The following CADPS2 variants were observed in gnomAD, a reference collection of about 807,000 sequenced individuals.
CADPS2 encodes calcium dependent secretion activator 2, also known as calcium-dependent secretion activator 2.
Under a neutral mutation model 172.5 loss-of-function variants are expected in CADPS2, and 93 were observed. That is an observed-to-expected ratio of 0.54 (90% CI 0.46 to 0.64). CADPS2 has a LOEUF of 0.64. Among genes scored for constraint, CADPS2 ranks in the 30% least tolerant of loss-of-function variants. The pLI, the probability that CADPS2 is intolerant of heterozygous loss-of-function variation, is 0.00. For synonymous variants in CADPS2, 546 were observed against 555.2 expected, an observed-to-expected ratio of 0.98 and a Z score of 0.23; for missense variants, 1,420 against 1,565.9, an observed-to-expected ratio of 0.91 and a Z score of 1.57.
At chr7:122,682,060 CA>C (rs2083111858) in intron 2 of CADPS2, among the ~76,000 whole-genome samples, 1 of 152,018 alleles carries the variant, frequency 6.6e-6, no homozygotes, top group Admixed American at 6.6e-5. Context: ...AGGTATTTTC[CA>C]ACTAAATGCT....
At chr7:122,479,927 T>C (rs981569875) in intron 12 of CADPS2, among the ~76,000 whole-genome samples, 4 of 152,230 alleles carry the variant, frequency 2.6e-5, no homozygotes, top group African/African-American at 9.6e-5. Context: ...AATTTATTAT[T>C]GGAAGACAAA....
intron 2 of CADPS2, among the ~76,000 whole-genome samples, chr7:122,696,576 C>A (rs1003755088): frequency 6.6e-6 from 1 of 152,174 alleles, no homozygotes; most frequent in Admixed American, 6.5e-5. Flanking sequence ...ATTGTTAACA[C>A]TGAGCAACTC....
chr7:122,432,544 G>A (rs1385352597), intron 17 of CADPS2, among the ~76,000 whole-genome samples: 2 of 151,538 alleles, frequency 1.3e-5, no homozygotes, highest in Admixed American at 1.3e-4. Flanking sequence ...GTAAAGCTGA[G>A]GCAGGAGAAC....
chr7:122,767,159 T>C (rs914976032), intron 1 of CADPS2, among the ~76,000 whole-genome samples: 10 of 152,198 alleles, frequency 6.6e-5, no homozygotes, highest in African/African-American at 2.4e-4. Context: ...AGTTTCTAAA[T>C]ACATATTATG....
chr7:122,834,856 G>A (rs1807836433), intron 1 of CADPS2, among the ~76,000 whole-genome samples: 1 of 152,198 alleles, frequency 6.6e-6, no homozygotes, highest in Non-Finnish European at 1.5e-5. Flanking sequence ...TCCACCTCTG[G>A]GGGCAGGGCA....
At chr7:122,624,139 C>T (rs1358933462) in intron 4 of CADPS2, among the ~76,000 whole-genome samples, 2 of 152,122 alleles carry the variant, frequency 1.3e-5, no homozygotes, top group Non-Finnish European at 2.9e-5. Flanking sequence ...CTCTATTCAG[C>T]CTGCTTGTGT....
At chr7:122,838,893 AC>A (rs1462152890) in intron 1 of CADPS2, among the ~76,000 whole-genome samples, 2 of 152,212 alleles carry the variant, frequency 1.3e-5, no homozygotes, top group African/African-American at 4.8e-5. Flanking sequence ...CCATCAAGTT[AC>A]CAAAGACTTT....
intron 2 of CADPS2, among the ~76,000 whole-genome samples, chr7:122,713,937 A>G (rs2089197033): frequency 6.6e-6 from 1 of 152,110 alleles, no homozygotes; most frequent in African/African-American, 2.4e-5. Context: ...AAAGCTTTTC[A>G]TTAGCTCTGC....
chr7:122,787,402 T>C (rs1283438064), intron 1 of CADPS2, among the ~76,000 whole-genome samples: 1 of 152,204 alleles, frequency 6.6e-6, no homozygotes, highest in Non-Finnish European at 1.5e-5. Flanking sequence ...TAAAACTTTC[T>C]GGATGATACT....
At chr7:122,645,246 C>CACACAT (rs3034541) in intron 3 of CADPS2, among the ~76,000 whole-genome samples, 15 of 139,566 alleles carry the variant, frequency 1.1e-4, no homozygotes, top group Middle Eastern at 4.4e-3. Flanking sequence ...TATATACACA[C>CACACAT]ATGTACATGT....
chr7:122,502,693 G>A (rs1401403431), intron 9 of CADPS2, among the ~76,000 whole-genome samples: 5 of 151,674 alleles, frequency 3.3e-5, no homozygotes, highest in South Asian at 2.1e-4. Context: ...TAATTGAGCC[G>A]CCAAAATATT....
intron 19 of CADPS2, among the ~76,000 whole-genome samples, chr7:122,408,904 T>C (rs145501567): frequency 1.0e-3 from 153 of 152,298 alleles, no homozygotes; most frequent in African/African-American, 3.6e-3. Context: ...ACTAAAAAGA[T>C]TGCCATGTAA....
At chr7:122,857,931 T>G (rs574426898) in intron 1 of CADPS2, among the ~76,000 whole-genome samples, 1 of 152,230 alleles carries the variant, frequency 6.6e-6, no homozygotes, top group South Asian at 2.1e-4. Context: ...CAACGACCTT[T>G]GTGGTGAGTG....
chr7:122,335,450 T>G (rs117509985), intron 28 of CADPS2, among the ~76,000 whole-genome samples: 4 of 152,264 alleles, frequency 2.6e-5, no homozygotes, highest in Non-Finnish European at 1.5e-5. Flanking sequence ...AGTTTCACCA[T>G]GTTGAAAGTT....
intron 8 of CADPS2, among the ~76,000 whole-genome samples, chr7:122,523,033 A>G (rs2060935148): frequency 6.6e-6 from 1 of 152,176 alleles, no homozygotes; most frequent in Non-Finnish European, 1.5e-5. Flanking sequence ...ATAAACATGG[A>G]GGTACAGGTA....
intron 28 of CADPS2, among the ~76,000 whole-genome samples, chr7:122,332,671 T>C (rs1225074746): frequency 6.6e-6 from 1 of 152,144 alleles, no homozygotes; most frequent in East Asian, 1.9e-4. Context: ...AATACATGAA[T>C]ATAATAACAG....
rs577400198 is a variant in CADPS2 at position 122,678,502 on chromosome 7, T to C, written c.454-14933A>G. On this transcript the variant is annotated intron_variant, in intron 2 of 29. Coordinates refer to ENST00000449022, the MANE Select transcript of CADPS2 (RefSeq NM_017954.11). ...GTTTACGTTTTTTGTAAGGATAATT[T>C]GGTGGGCAAGGGTTTAGGAAATGGG... Among the ~76,000 whole-genome samples the C allele has an allele frequency of 8.5e-5, 13 of 152,296 alleles. No homozygotes were observed. In the South Asian group the frequency reaches 2.1e-3, roughly 24 times the overall value.
intron 1 of CADPS2, among the ~76,000 whole-genome samples, chr7:122,767,948 A>G (rs2093603696): frequency 1.3e-5 from 2 of 152,140 alleles, no homozygotes; most frequent in African/African-American, 2.4e-5. Flanking sequence ...ATAAGCCTAC[A>G]TTCCTTTTTG....
At chr7:122,726,788 A>AAC (rs1311269271) in intron 2 of CADPS2, among the ~76,000 whole-genome samples, 4 of 149,790 alleles carry the variant, frequency 2.7e-5, no homozygotes, top group Non-Finnish European at 6.0e-5. Context: ...AAAAAAAAAA[A>AAC]ACTATCCACA....
Sources: gnomAD v4.1 joint callset for allele counts (sites outside exome capture counted in the v4.1 genomes callset) on GRCh38, gnomAD v4.1.1 for gene constraint, MANE v1.5 for transcripts, NCBI Gene and HGNC (gene_info 2026-07-23, HGNC 2026-07-21) for gene names.